The following PUS10 variants were observed in gnomAD, a reference collection of about 807,000 sequenced individuals.
PUS10 encodes the protein tRNA pseudouridine synthase Pus10.
A neutral mutation model predicts 75.0 loss-of-function variants in PUS10; 59 were observed. That is an observed-to-expected ratio of 0.79 (90% CI 0.64 to 0.98). The LOEUF (loss-of-function observed/expected upper bound fraction) is 0.98, where lower values mean the gene tolerates loss of function less well. Ranked by LOEUF, PUS10 falls within the 50% of genes least tolerant of loss-of-function variation. The pLI, the probability that PUS10 is intolerant of heterozygous loss-of-function variation, is 0.00. For missense variants in PUS10, 650 were observed against 614.4 expected (o/e 1.06, Z -0.61); for synonymous variants, 219 against 211.6 (o/e 1.03, Z -0.30).
At chr2:60,964,987 T>G (rs914833917) in intron 8 of PUS10, 71 bp downstream of exon 8, 8 of 1,351,058 alleles carry the variant, frequency 5.9e-6, no homozygotes, top group Non-Finnish European at 7.4e-6. Flanking sequence ...GCATATCCTT[T>G]TTGTTGGAAA....
At chr2:60,974,971 C>T (rs1320142818) in intron 4 of PUS10, among the ~76,000 whole-genome samples, 1 of 152,208 alleles carries the variant, frequency 6.6e-6, no homozygotes, top group African/African-American at 2.4e-5. Flanking sequence ...GAAGCAACAC[C>T]CCAAGGATCC....
chr2:60,961,509 G>A lies in PUS10; in HGVS notation c.828C>T (p.Cys276=), dbSNP rs750466574. 16 of 1,613,922 alleles carry A rather than the reference G, an allele frequency of 9.9e-6. No homozygotes were observed. Among genetic ancestry groups the A allele is most frequent in the South Asian group, 7.7e-5 (7 of 91,080 alleles). ...PCPPNSPKAV[C]AVLEIECAHG... Reference sequence around the variant, plus strand: ...GAGCACATTCAATTTCAAGAACAGCGCATACAGCCTTTGGTGAGTTTGGAG... The same window carrying A: ...GAGCACATTCAATTTCAAGAACAGCACATACAGCCTTTGGTGAGTTTGGAG... The change falls in exon 10 of 18, where the codon TGC becomes TGT. Residue 276 remains cysteine, a synonymous_variant. Coordinates refer to ENST00000316752, the MANE Select transcript of PUS10 (RefSeq NM_144709.4).
intron 4 of PUS10, among the ~76,000 whole-genome samples, chr2:60,987,634 A>G (rs1379301918): frequency 6.6e-6 from 1 of 152,200 alleles, no homozygotes; most frequent in Non-Finnish European, 1.5e-5. Flanking sequence ...TAAAAATAGA[A>G]GCTAAAATAG....
intron 17 of PUS10, 73 bp from the exon 18 acceptor site, chr2:60,942,506 A>C: frequency 2.5e-6 from 3 of 1,192,732 alleles, no homozygotes; most frequent in Non-Finnish European, 2.5e-6. Flanking sequence ...ATGCTGTATA[A>C]ATTTAATAGT....
intron 4 of PUS10, among the ~76,000 whole-genome samples, chr2:61,001,763 A>G (rs950341095): frequency 3.3e-5 from 5 of 152,234 alleles, no homozygotes; most frequent in Non-Finnish European, 1.5e-5. Flanking sequence ...AGAGGCAGAG[A>G]TAGAAAGAGA....
intron 16 of PUS10, among the ~76,000 whole-genome samples, chr2:60,947,458 G>T (rs150186937): frequency 2.0e-5 from 3 of 152,186 alleles, no homozygotes; most frequent in Non-Finnish European, 4.4e-5. Context: ...CATTGTGTAA[G>T]ACACTACAAT....
At chr2:61,016,357 T>C (rs1679977607) in intron 1 of PUS10, among the ~76,000 whole-genome samples, 3 of 152,246 alleles carry the variant, frequency 2.0e-5, no homozygotes, top group Admixed American at 1.3e-4. Context: ...TTCTCAAGAA[T>C]GTTAACATTA....
intron 4 of PUS10, among the ~76,000 whole-genome samples, chr2:60,994,946 C>T (rs895976812): frequency 1.3e-5 from 2 of 152,072 alleles, no homozygotes; most frequent in African/African-American, 4.8e-5. Flanking sequence ...AAAAATCAGC[C>T]GGGCAAGGTG....
chr2:61,001,955 C>G (rs773767921), intron 4 of PUS10, among the ~76,000 whole-genome samples: 2 of 151,766 alleles, frequency 1.3e-5, no homozygotes, highest in Non-Finnish European at 2.9e-5. Context: ...TTGAAATCCA[C>G]TTATCAAAAG....
chr2:60,979,770 T>C (rs1025987669), intron 4 of PUS10, among the ~76,000 whole-genome samples: 6 of 152,260 alleles, frequency 3.9e-5, no homozygotes, highest in East Asian at 1.9e-4. Context: ...GTTTTCTCTC[T>C]ACTTTGGCAA....
In PUS10 at chr2:60,965,495, T is replaced by A; in HGVS notation, c.616-11A>T. On this transcript the variant is annotated splice_polypyrimidine_tract_variant and intron_variant, in intron 6 of 17. Transcript: ENST00000316752. Reference sequence around the variant, plus strand: ...CACTTCAAACAAGCTCTAAAAATTATAAAGACAGTTTAAAAATGAGCAAAA... The same window carrying A: ...CACTTCAAACAAGCTCTAAAAATTAAAAAGACAGTTTAAAAATGAGCAAAA... The A allele has an allele frequency of 6.3e-7, 1 of 1,589,972 alleles. No individual in the cohort carries two copies. Among genetic ancestry groups the A allele is most frequent in the Non-Finnish European group, 8.5e-7 (1 of 1,170,068 alleles).
intron 8 of PUS10, 144 bp downstream of exon 8, chr2:60,964,914 A>C (rs1676243351): frequency 1.2e-5 from 9 of 766,386 alleles, no homozygotes; most frequent in Non-Finnish European, 1.9e-5. Context: ...ACAAAAATTA[A>C]TGTAGCAAAT....
chr2:60,967,463 A>G, intron 6 of PUS10, 39 bp downstream of exon 6: 1 of 1,359,884 alleles, frequency 7.4e-7, no homozygotes, highest in Non-Finnish European at 1.0e-6. Flanking sequence ...AAACTAGTAA[A>G]ATCAGAGAAT....
chr2:61,003,152 T>G (rs763874838), intron 4 of PUS10, among the ~76,000 whole-genome samples: 1 of 152,184 alleles, frequency 6.6e-6, no homozygotes, highest in Admixed American at 6.5e-5. Context: ...TTAATGCTTT[T>G]ATAATGATGA....
chr2:60,952,094 G>T (rs1234150059), intron 15 of PUS10, among the ~76,000 whole-genome samples: 3 of 152,146 alleles, frequency 2.0e-5, no homozygotes, highest in Non-Finnish European at 4.4e-5. Context: ...CCAGCACTTT[G>T]GGAGGCTGGG....
intron 5 of PUS10, among the ~76,000 whole-genome samples, chr2:60,969,346 A>C (rs1026908624): frequency 2.0e-5 from 3 of 152,234 alleles, no homozygotes; most frequent in African/African-American, 7.2e-5. Context: ...CAATCCTGAA[A>C]GTTAAATGCA....
chr2:60,961,419 G>A (rs759452346), intron 10 of PUS10, 44 bp downstream of exon 10: 1 of 1,393,468 alleles, frequency 7.2e-7, no homozygotes, highest in East Asian at 2.3e-5. Context: ...TTAGAAAGGA[G>A]AGTACGTTCA....
intron 5 of PUS10, among the ~76,000 whole-genome samples, chr2:60,969,650 C>A (rs534793211): frequency 6.6e-6 from 1 of 152,188 alleles, no homozygotes; most frequent in Non-Finnish European, 1.5e-5. Flanking sequence ...TCTTTAACAG[C>A]AATTCCTCCA....
intron 1 of PUS10, chr2:61,017,731 G>C: frequency 6.5e-7 from 1 of 1,539,140 alleles, no homozygotes; most frequent in Non-Finnish European, 8.8e-7. Context: ...GTCAGGGGTA[G>C]GAGCGGGAGC....
Sources: allele counts gnomAD v4.1 joint callset (sites outside exome capture counted in the v4.1 genomes callset), GRCh38; gene constraint gnomAD v4.1.1; transcripts MANE v1.5; gene names NCBI Gene and HGNC (gene_info 2026-07-23, HGNC 2026-07-21).